ARL17B: variants seen among roughly 807,000 people sequenced by gnomAD.
The protein encoded by ARL17B is ADP-ribosylation factor-like protein 17.
intron 3 of ARL17B, chr17:46,311,065 G>A: frequency 4.8e-6 from 1 of 206,574 alleles, no homozygotes; most frequent in Admixed American, 7.7e-5. Flanking sequence ...CCAGGAGGTG[G>A]AGTTTGCAGT....
intron 4 of ARL17B, chr17:46,292,788 C>T (rs1381303795): frequency 2.5e-5 from 2 of 79,272 alleles, no homozygotes; most frequent in African/African-American, 6.4e-5. Context: ...ATATCTCCCA[C>T]GTATCTTGGG....
At chr17:46,313,102 G>GAATT (rs2050898065) in intron 3 of ARL17B, among the ~76,000 whole-genome samples, 1 of 62,102 alleles carries the variant, frequency 1.6e-5, no homozygotes, top group African/African-American at 6.5e-5. Flanking sequence ...ACAATTCAGT[G>GAATT]GTGGTTAGTA....
In ARL17B at chr17:46,324,343, A is replaced by AT. The variant is rs1411455488; in HGVS notation, c.260-24679dup. 8.6e-3 allele frequency among the ~76,000 whole-genome samples: 678 copies of AT among 78,502 alleles called. 5 individuals are homozygous for AT. Among genetic ancestry groups the AT allele is most frequent in the African/African-American group, 0.023 (625 of 26,616 alleles). The allele number at this position is 78,502 out of a possible 152,430, so 51.5% of individuals were successfully genotyped here. A position where few individuals can be genotyped will look rare whatever the true frequency, so the allele number is the denominator to read the frequency against. ...TAATTTTGACCAGCTTTAAGTTAGC[A>AT]TTTTTTTCTTAAATGGCTTGTGATT... is the stretch of plus-strand genomic sequence containing the variant. On this transcript the variant is annotated intron_variant, in intron 3 of 4. Coordinates refer to the ARL17B transcript ENST00000434041.
chr17:46,285,184 C>T (rs184879796), intron 4 of ARL17B, among the ~76,000 whole-genome samples: 334 of 152,056 alleles, frequency 2.2e-3, no homozygotes, highest in African/African-American at 7.9e-3. Context: ...GTCTTCAATA[C>T]ACCTGTATCA....
At chr17:46,287,250 T>TGATG (rs1255338549) in intron 4 of ARL17B, among the ~76,000 whole-genome samples, 8 of 152,330 alleles carry the variant, frequency 5.3e-5, no homozygotes, top group African/African-American at 1.9e-4. Context: ...AACCACACAC[T>TGATG]GATGGTAATG....
At chr17:46,330,681 A>G, downstream of ARL17B, 1 of 303,754 alleles carries the variant, frequency 3.3e-6, no homozygotes, top group Admixed American at 4.9e-5. Context: ...CTAGATGTGA[A>G]ATCACTGTTA....
At chr17:46,308,013 A>G in intron 3 of ARL17B, among the ~76,000 whole-genome samples, 1 of 73,172 alleles carries the variant, frequency 1.4e-5, no homozygotes, top group African/African-American at 3.5e-5. Flanking sequence ...CTCTGTCTCA[A>G]ATAATAATAA....
intron 3 of ARL17B, among the ~76,000 whole-genome samples, chr17:46,325,962 T>TG (rs1196891718): frequency 2.9e-5 from 2 of 68,384 alleles, no homozygotes; most frequent in African/African-American, 6.5e-5. Context: ...AATAAAAAGT[T>TG]GGGGGCAGAA....
At chr17:46,279,770 C>T (rs560653974) in intron 4 of ARL17B, among the ~76,000 whole-genome samples, 8 of 152,294 alleles carry the variant, frequency 5.3e-5, no homozygotes, top group African/African-American at 1.9e-4. Flanking sequence ...GTTGGGATTA[C>T]AGGCATGAAC....
chr17:46,283,834 A>G (rs1397062989), intron 4 of ARL17B, among the ~76,000 whole-genome samples: 1 of 150,292 alleles, frequency 6.7e-6, no homozygotes, highest in Admixed American at 6.6e-5. Flanking sequence ...TGTCAGGGTC[A>G]TAGGATAATA....
intron 3 of ARL17B, among the ~76,000 whole-genome samples, chr17:46,317,123 T>G: frequency 1.1e-5 from 1 of 88,550 alleles, no homozygotes; most frequent in Middle Eastern, 5.2e-3. Context: ...AATGAGCTGT[T>G]GGGTACACCT....
At chr17:46,287,535 G>A (rs1225304271) in intron 4 of ARL17B, among the ~76,000 whole-genome samples, 1 of 152,268 alleles carries the variant, frequency 6.6e-6, no homozygotes, top group Non-Finnish European at 1.5e-5. Context: ...ACTAAGAAAG[G>A]TACATAGAGC....
downstream of ARL17B, among the ~76,000 whole-genome samples, chr17:46,333,257 T>A (rs2052119882): frequency 3.2e-5 from 2 of 62,262 alleles, 1 homozygote; most frequent in South Asian, 1.4e-3. Context: ...CTAGCCCTCC[T>A]GAGCCTATAC....
At chr17:46,288,210 C>T (rs865831618) in intron 4 of ARL17B, among the ~76,000 whole-genome samples, 11,117 of 140,990 alleles carry the variant, frequency 0.079, no homozygotes, top group Middle Eastern at 0.13. Flanking sequence ...GGCAGGATCA[C>T]GGCCCCCTGC....
At chr17:46,348,785 C>T (rs1163801611) in intron 3 of ARL17B, among the ~76,000 whole-genome samples, 6 of 150,682 alleles carry the variant, frequency 4.0e-5, no homozygotes, top group Middle Eastern at 3.2e-3. Context: ...ATGGAAGTTG[C>T]GGGGCATCCA....
rs1406512278 is a variant in ARL17B at position 46,324,509 on chromosome 17, CTTTTTTA to C, written c.260-24851_260-24845del. Among the ~76,000 whole-genome samples the C allele has an allele frequency of 1.1e-4, 8 of 75,208 alleles. 1 individual carries two copies. Among genetic ancestry groups the C allele is most frequent in the Admixed American group, 5.7e-4 (4 of 7,040 alleles). The allele number at this position is 75,208 out of a possible 152,430, so 49.3% of individuals were successfully genotyped here. A position where few individuals can be genotyped will look rare whatever the true frequency, so the allele number is the denominator to read the frequency against. On this transcript the variant is annotated intron_variant, in intron 3 of 4. Transcript: ENST00000434041. ...GAGTCAATTTGCATATGTGATGTAT[CTTTTTTA>C]TTTTTTATTTTTTTGTAGAAATGAG...
In ARL17B at chr17:46,280,569, C is replaced by CTTTTTTT. The variant is rs56981193; in HGVS notation, c.*22-5158_*22-5152dup. 8.3e-4 allele frequency among the ~76,000 whole-genome samples: 93 copies of CTTTTTTT among 111,994 alleles called. 6 individuals carry two copies. Among genetic ancestry groups the CTTTTTTT allele is most frequent in the Non-Finnish European group, 1.2e-3 (71 of 58,770 alleles). The allele number at this position is 111,994 out of a possible 152,430, so 73.5% of individuals were successfully genotyped here. On this transcript the variant is annotated intron_variant, in intron 4 of 4. Transcript: ENST00000570618. The stretch of plus-strand genomic sequence containing the variant: ...TTGTTTCCTTATTTTTGATAGCACA[C>CTTTTTTT]TTTTTTTTTTTTTTTTTTTTCCTGA...
chr17:46,279,427 A>G (rs2696524), intron 4 of ARL17B, among the ~76,000 whole-genome samples: 21,674 of 150,378 alleles, frequency 0.14, 1,888 homozygotes, highest in Middle Eastern at 0.22. Flanking sequence ...CAGGTGATCC[A>G]TCCACCTTGG....
chr17:46,276,647 A>T (rs2049593709), intron 4 of ARL17B, among the ~76,000 whole-genome samples: 1 of 152,258 alleles, frequency 6.6e-6, no homozygotes, highest in South Asian at 2.1e-4. Context: ...AAATTCTGGA[A>T]ACCCATAATA....
Sources: allele counts gnomAD v4.1 joint callset (sites outside exome capture counted in the v4.1 genomes callset), GRCh38; gene constraint gnomAD v4.1.1; transcripts MANE v1.5; gene names NCBI Gene and HGNC (gene_info 2026-07-23, HGNC 2026-07-21).